Variants in MYH10 observed in about 807,000 individuals in gnomAD.
The protein encoded by MYH10 is myosin-10.
A neutral mutation model predicts 257.8 loss-of-function variants in MYH10; 55 were observed. The observed-to-expected ratio is 0.21, with a 90% confidence interval of 0.17 to 0.27. The LOEUF is 0.27. Among genes scored for constraint, MYH10 ranks in the 10% least tolerant of loss-of-function variants. The pLI, the probability that MYH10 is intolerant of heterozygous loss-of-function variation, is 1.00. For missense variants in MYH10, 1,631 were observed against 2,500.6 expected, an observed-to-expected ratio of 0.65 and a Z score of 7.42; for synonymous variants, 854 against 921.7, an observed-to-expected ratio of 0.93 and a Z score of 1.33.
In MYH10 at chr17:8,610,271, C is replaced by CAAAAAAAAAAAAAAAAAAAAAAAAAAAAA. The variant is rs71361810; in HGVS notation, c.346-5290_346-5289insTTTTTTTTTTTTTTTTTTTTTTTTTTTTT. On this transcript the variant is annotated intron_variant, in intron 2 of 42. Transcript: ENST00000360416. ...GTTTATAGGGAGCACCATAGGATTG[C>CAAAAAAAAAAAAAAAAAAAAAAAAAAAAA]AAAAAAAAAAAAAAAAAAAAAGGGT... Among the ~76,000 whole-genome samples, 4 of 45,972 alleles carry CAAAAAAAAAAAAAAAAAAAAAAAAAAAAA rather than the reference C, an allele frequency of 8.7e-5. 1 individual carries two copies. Among genetic ancestry groups the CAAAAAAAAAAAAAAAAAAAAAAAAAAAAA allele is most frequent in the Admixed American group, 7.2e-4 (2 of 2,778 alleles). 30.2% of individuals were successfully genotyped at this position (45,972 alleles called of 152,430 possible). A position where few individuals can be genotyped will look rare whatever the true frequency, so the allele number is the denominator to read the frequency against.
intron 16 of MYH10, among the ~76,000 whole-genome samples, chr17:8,531,865 G>C (rs1261353822): frequency 6.6e-6 from 1 of 152,180 alleles, no homozygotes; most frequent in Non-Finnish European, 1.5e-5. Context: ...TATTTTTCTA[G>C]AGAAAAATTG....
Position 8,474,555 on chromosome 17 carries a change from C to A in MYH10, c.*1249G>T, listed in dbSNP as rs1468711684. On this transcript the variant is annotated 3_prime_UTR_variant, in exon 43 of 43. Coordinates refer to ENST00000360416, the MANE Select transcript of MYH10 (RefSeq NM_001256012.3). ...ACACTGATTCATTGTCACTGAATGTCTGTAATACCACTTTGACTAGAGAGG... is the reference window on the plus strand; with the variant it reads ...ACACTGATTCATTGTCACTGAATGTATGTAATACCACTTTGACTAGAGAGG... 2.0e-5 allele frequency: 3 copies of A among 152,598 alleles called. No individual in the cohort carries two copies. Among genetic ancestry groups the A allele is most frequent in the African/African-American group, 7.2e-5 (3 of 41,424 alleles). 9.5% of individuals were successfully genotyped at this position (152,598 alleles called of 1,614,324 possible).
rs567655010 is a variant in MYH10 at position 8,538,206 on chromosome 17, T to C, written c.1606-2275A>G. On this transcript the variant is annotated intron_variant, in intron 14 of 42. Coordinates refer to ENST00000360416, the MANE Select transcript of MYH10 (RefSeq NM_001256012.3). ...TACAAAATGTTATGTTTTTATTTTT[T>C]ATTATTATTATTTTTTGAGACGGAG... 6.6e-4 allele frequency among the ~76,000 whole-genome samples: 100 copies of C among 152,334 alleles called. 1 individual carries two copies. The highest frequency in any genetic ancestry group is 2.3e-3 in the African/African-American group (94 of 41,574).
At chr17:8,544,725 A>C (rs932954479) in intron 13 of MYH10, among the ~76,000 whole-genome samples, 42 of 152,308 alleles carry the variant, frequency 2.8e-4, no homozygotes, top group African/African-American at 9.1e-4. Context: ...TAAAGATATA[A>C]ATTTTTAGAT....
In MYH10 at chr17:8,499,469, G is replaced by A; in HGVS notation, c.3752C>T (p.Ala1251Val). 1.2e-6 allele frequency: 2 copies of A among 1,614,054 alleles called. No individual in the cohort carries two copies. Among genetic ancestry groups the A allele is most frequent in the Admixed American group, 1.7e-5 (1 of 60,006 alleles). The change falls in exon 30 of 43, where the codon GCA (alanine) becomes GTA (valine). Residue 1251 changes from alanine to valine, a missense_variant. Around this residue, in one of 11 missense-constraint regions of MYH10, gnomAD observed 463 missense variants for 621.8 expected, o/e 0.74. Transcript: ENST00000360416. ...EQLEQAKRFKANLEKNKQGLE... is the reference protein window; with the variant it reads ...EQLEQAKRFKVNLEKNKQGLE... ...GCCCTGCTTGTTCTTCTCTAGATTTGCTTTGAACTAGGAGACGGAAGGGAA... is the reference window on the plus strand; with the variant it reads ...GCCCTGCTTGTTCTTCTCTAGATTTACTTTGAACTAGGAGACGGAAGGGAA...
intron 31 of MYH10, among the ~76,000 whole-genome samples, chr17:8,494,823 C>T (rs553796486): frequency 6.6e-6 from 1 of 152,336 alleles, no homozygotes; most frequent in South Asian, 2.1e-4. Flanking sequence ...TTGGAAATGG[C>T]CAGCAAGACA....
chr17:8,507,433 C>T (rs1287517624), intron 26 of MYH10, among the ~76,000 whole-genome samples: 1 of 152,220 alleles, frequency 6.6e-6, no homozygotes, highest in Non-Finnish European at 1.5e-5. Context: ...ATCCTCTTTT[C>T]TTATTGCTTT....
chr17:8,594,933 G>A (rs2084304797), intron 3 of MYH10, among the ~76,000 whole-genome samples: 1 of 152,200 alleles, frequency 6.6e-6, no homozygotes, highest in African/African-American at 2.4e-5. Flanking sequence ...CCAATCCACA[G>A]TTGGTTGAAT....
intron 4 of MYH10, among the ~76,000 whole-genome samples, chr17:8,580,399 A>AT (rs574430985): frequency 0.045 from 6,305 of 141,040 alleles, 353 homozygotes; most frequent in African/African-American, 0.14. Context: ...TATTCATCTT[A>AT]TTTTTTTTTT....
chr17:8,609,948 T>C (rs1031834231), intron 2 of MYH10, among the ~76,000 whole-genome samples: 2 of 151,120 alleles, frequency 1.3e-5, no homozygotes, highest in Non-Finnish European at 2.9e-5. Context: ...GGAATACACA[T>C]TGAATTAAAA....
chr17:8,543,989 G>C (rs530507262), intron 13 of MYH10, among the ~76,000 whole-genome samples: 3 of 152,226 alleles, frequency 2.0e-5, no homozygotes, highest in Non-Finnish European at 4.4e-5. Context: ...TATGCATTAA[G>C]AAATGTGTGT....
At position 8,569,029 on chromosome 17, in the gene MYH10, AGT is replaced by A. The variant is rs1302674034; in HGVS notation, c.756+689_756+690del. Among the ~76,000 whole-genome samples, 1 of 150,622 alleles carries A rather than the reference AGT, an allele frequency of 6.6e-6. No individual in the cohort carries two copies. Among genetic ancestry groups the A allele is most frequent in the East Asian group, 2.0e-4 (1 of 4,960 alleles). ...AGCCTCCCAAAGTACTGGACAACATAGTGAGACCCTAGTCTCTAAAAAAAAAA... is the reference window on the plus strand; with the variant it reads ...AGCCTCCCAAAGTACTGGACAACATAGAGACCCTAGTCTCTAAAAAAAAAA... On this transcript the variant is annotated intron_variant, in intron 7 of 42. Transcript: ENST00000360416. This position sits in a 1 kb window ranked among gnomAD's most constrained non-coding sequence, Gnocchi z 4.1.
chr17:8,579,484 A>G (rs570508092), intron 4 of MYH10, among the ~76,000 whole-genome samples: 1 of 152,322 alleles, frequency 6.6e-6, no homozygotes, highest in South Asian at 2.1e-4. Context: ...TCAGTATCCC[A>G]AATCTGTAAA....
rs796546556 is a variant in MYH10 at position 8,478,201 on chromosome 17, G to T, written c.5706+137C>A. On this transcript the variant is annotated intron_variant, in intron 41 of 42. Transcript: ENST00000360416. ...CTCGGGTACTGGGAGTGCCCACCAG[G>T]AACATGGAACAGCCCACGTTAGCTG... 32 of 734,100 alleles carry T rather than the reference G, an allele frequency of 4.4e-5. No individual in the cohort carries two copies. In the African/African-American group the frequency reaches 5.4e-4, roughly 12 times the overall value. The allele number at this position is 734,100 out of a possible 1,614,324, so 45.5% of individuals were successfully genotyped here. A position where few individuals can be genotyped will look rare whatever the true frequency, so the allele number is the denominator to read the frequency against.
At chr17:8,557,905 C>A (rs971486721) in intron 7 of MYH10, among the ~76,000 whole-genome samples, 2 of 152,282 alleles carry the variant, frequency 1.3e-5, no homozygotes, top group African/African-American at 4.8e-5. Context: ...AGTCACCAAA[C>A]CTGCAATGCC....
At chr17:8,513,703 T>C in intron 22 of MYH10, 34 bp from the exon 23 acceptor site, 1 of 1,600,392 alleles carries the variant, frequency 6.2e-7, no homozygotes, top group Non-Finnish European at 8.5e-7. Context: ...TTTTTTTTTA[T>C]CATTCCAGCT....
At position 8,520,907 on chromosome 17, in the gene MYH10, G is replaced by A. The variant is rs1454566168; in HGVS notation, c.2244C>T (p.Asn748=). The change falls in exon 19 of 43, where the codon AAC becomes AAT. Residue 748 remains asparagine (N), a synonymous_variant. Transcript: ENST00000360416. Reference sequence around the variant, plus strand: ...GTCTGAATTCCTGGAAAACTATTCGGTTAGGGAAGCCCTGGCGACAGATTC... The same window carrying A: ...GTCTGAATTCCTGGAAAACTATTCGATTAGGGAAGCCCTGGCGACAGATTC... ...GIRICRQGFP[N]RIVFQEFRQR... 16 of 1,613,202 alleles carry A rather than the reference G, an allele frequency of 9.9e-6. No homozygotes were observed. Among genetic ancestry groups the A allele is most frequent in the East Asian group, 4.5e-5 (2 of 44,888 alleles).
At chr17:8,623,564 T>C (rs756756797) in intron 1 of MYH10, 2 of 169,730 alleles carry the variant, frequency 1.2e-5, no homozygotes, top group Non-Finnish European at 2.5e-5. Flanking sequence ...CTTTTTTTTC[T>C]TTATCTCCTC....
intron 2 of MYH10, among the ~76,000 whole-genome samples, chr17:8,620,122 A>G (rs1453451256): frequency 3.3e-5 from 5 of 152,188 alleles, no homozygotes; most frequent in African/African-American, 1.2e-4. Context: ...ATTGAACCCT[A>G]TATCCAACAG....
Sources: gnomAD v4.1 joint callset for allele counts (sites outside exome capture counted in the v4.1 genomes callset) on GRCh38, gnomAD v4.1.1 for gene constraint, gnomAD v4.1.1 regional missense constraint, Gnocchi (gnomAD v3.1) non-coding constraint, MANE v1.5 for transcripts, NCBI Gene and HGNC (gene_info 2026-07-23, HGNC 2026-07-21) for gene names.